ROBO2: variants seen among roughly 807,000 people sequenced by gnomAD.
ROBO2 encodes the protein roundabout homolog 2.
A neutral mutation model predicts 160.8 loss-of-function variants in ROBO2; 53 were observed. The ratio of observed to expected loss-of-function variants is 0.33; its 90% CI spans 0.26 to 0.41. ROBO2 has a LOEUF of 0.41. Among genes scored for constraint, ROBO2 ranks in the 10% least tolerant of loss-of-function variants. ROBO2 has a pLI of 1.00. For synonymous variants in ROBO2, 664 were observed against 611.7 expected (o/e 1.09, Z -1.26); for missense variants, 1,577 against 1,722.4 (o/e 0.92, Z 1.49).
At position 77,642,227 on chromosome 3, in the gene ROBO2, G is replaced by A. The variant is rs1349460050; in HGVS notation, c.3935-2477G>A. 7.2e-5 allele frequency among the ~76,000 whole-genome samples: 11 copies of A among 152,264 alleles called. No individual in the cohort carries two copies. In the East Asian group the frequency reaches 1.2e-3, roughly 16 times the overall value. The stretch of plus-strand genomic sequence containing the variant: ...CACGGCATACAGTTCTAAATTTCCC[G>A]AGGGTGACATTCCCTTTGGAGATTG... On this transcript the variant is annotated intron_variant, in intron 24 of 25. Transcript: ENST00000461745.
At chr3:77,597,123 T>C (rs2094323477) in intron 19 of ROBO2, among the ~76,000 whole-genome samples, 1 of 152,014 alleles carries the variant, frequency 6.6e-6, no homozygotes, top group African/African-American at 2.4e-5. Context: ...ATGTATTTAT[T>C]GAGCATCTCC....
chr3:77,297,587 T>C (rs2062262469), intron 2 of ROBO2, among the ~76,000 whole-genome samples: 1 of 152,128 alleles, frequency 6.6e-6, no homozygotes, highest in African/African-American at 2.4e-5. Context: ...AGCTTGCCAT[T>C]GGCTACATCA....
chr3:77,312,344 T>C (rs1311077393), intron 2 of ROBO2, among the ~76,000 whole-genome samples: 3 of 152,166 alleles, frequency 2.0e-5, no homozygotes, highest in African/African-American at 7.2e-5. Context: ...ATCATATCAT[T>C]CATATATTGT....
At chr3:75,962,415 T>C (rs2107287124) in intron 2 of ROBO2, among the ~76,000 whole-genome samples, 1 of 152,010 alleles carries the variant, frequency 6.6e-6, no homozygotes, top group African/African-American at 2.4e-5. Flanking sequence ...TAATGTGTTC[T>C]AGGTCTGGCT....
chr3:76,503,475 C>A (rs181775062), intron 2 of ROBO2, among the ~76,000 whole-genome samples: 1 of 152,130 alleles, frequency 6.6e-6, no homozygotes, highest in Non-Finnish European at 1.5e-5. Flanking sequence ...GAAAAAGTAT[C>A]GGTATACTGA....
chr3:76,165,536 G>GT (rs2072803966), intron 2 of ROBO2, among the ~76,000 whole-genome samples: 1 of 152,126 alleles, frequency 6.6e-6, no homozygotes, highest in Non-Finnish European at 1.5e-5. Flanking sequence ...GTTCACTGGA[G>GT]TAGCACTTTA....
intron 2 of ROBO2, among the ~76,000 whole-genome samples, chr3:76,209,624 T>C (rs1703018382): frequency 6.6e-6 from 1 of 152,164 alleles, no homozygotes; most frequent in South Asian, 2.1e-4. Context: ...GAAGGTAAGA[T>C]TGGTGTTAAT....
intron 2 of ROBO2, among the ~76,000 whole-genome samples, chr3:76,608,667 G>C (rs939483761): frequency 6.6e-6 from 1 of 152,106 alleles, no homozygotes; most frequent in Non-Finnish European, 1.5e-5. Context: ...ATCCTGGAGA[G>C]TTTTCCCAAT....
chr3:76,704,882 G>GATTA (rs1230342221), intron 2 of ROBO2, among the ~76,000 whole-genome samples: 1 of 151,966 alleles, frequency 6.6e-6, no homozygotes, highest in Non-Finnish European at 1.5e-5. Flanking sequence ...AGGTGTTTTT[G>GATTA]ATTAATTAAT....
chr3:77,568,152 T>C (rs1395327511), intron 12 of ROBO2, among the ~76,000 whole-genome samples, 161 bp from the exon 14 acceptor site: 1 of 152,058 alleles, frequency 6.6e-6, no homozygotes, highest in Admixed American at 6.6e-5. Flanking sequence ...ACCACAGTGG[T>C]ATATTTATAT....
rs115872388 is a variant in ROBO2 at position 77,137,929 on chromosome 3, C to T, written c.388+39589C>T. On this transcript the variant is annotated intron_variant, in intron 2 of 25. Transcript: ENST00000461745. ...CTGACAGGGAAGGTCATTGGTGCAG[C>T]CCTTCCAAGCAAATGCAGTTAAATT... Among the ~76,000 whole-genome samples the T allele has an allele frequency of 3.2e-3, 493 of 152,280 alleles. 1 individual carries two copies. The highest frequency in any genetic ancestry group is 0.011 in the African/African-American group (465 of 41,556).
chr3:76,434,338 A>C lies in ROBO2; in HGVS notation c.109+496736A>C. On this transcript the variant is annotated intron_variant, in intron 2 of 26. Coordinates refer to the ROBO2 transcript ENST00000487694. Reference sequence around the variant, plus strand: ...GCACCCATCTCAGAGCAGATCAAGAAGTGATAAGCTTTCGGGAGAAGAACC... The same window carrying C: ...GCACCCATCTCAGAGCAGATCAAGACGTGATAAGCTTTCGGGAGAAGAACC... The C allele has an allele frequency of 2.4e-6, 3 of 1,237,812 alleles. No individual in the cohort carries two copies. In the South Asian group the frequency reaches 3.6e-5, roughly 15 times the overall value. 76.7% of individuals were successfully genotyped at this position (1,237,812 alleles called of 1,614,324 possible). A position where few individuals can be genotyped will look rare whatever the true frequency, so the allele number is the denominator to read the frequency against.
At chr3:76,583,318 G>T (rs2085824690) in intron 2 of ROBO2, among the ~76,000 whole-genome samples, 1 of 152,174 alleles carries the variant, frequency 6.6e-6, no homozygotes, top group Admixed American at 6.5e-5. Flanking sequence ...GCGCTTAGTT[G>T]CAGTAGAACA....
At chr3:77,105,911 CA>C (rs773298886) in intron 2 of ROBO2, among the ~76,000 whole-genome samples, 50 of 152,310 alleles carry the variant, frequency 3.3e-4, no homozygotes, top group South Asian at 6.2e-4. Flanking sequence ...GAAACATATT[CA>C]TAGTGATACT....
intron 2 of ROBO2, among the ~76,000 whole-genome samples, chr3:77,158,774 T>G (rs1362778440): frequency 6.6e-6 from 1 of 152,090 alleles, no homozygotes; most frequent in Non-Finnish European, 1.5e-5. Flanking sequence ...AGTTATTTAT[T>G]CCACTTCTGA....
At chr3:77,633,791 T>C (rs902989537) in intron 23 of ROBO2, 2 of 152,218 alleles carry the variant, frequency 1.3e-5, no homozygotes, top group African/African-American at 4.8e-5. Flanking sequence ...TTGAATTGTC[T>C]TGCATTATAA....
At chr3:77,190,862 T>A (rs907022056) in intron 2 of ROBO2, among the ~76,000 whole-genome samples, 1 of 152,026 alleles carries the variant, frequency 6.6e-6, no homozygotes, top group Admixed American at 6.6e-5. Flanking sequence ...AATTATAGAA[T>A]GATGTACAAG....
At chr3:77,457,055 T>C (rs2081731050) in intron 2 of ROBO2, among the ~76,000 whole-genome samples, 1 of 152,174 alleles carries the variant, frequency 6.6e-6, no homozygotes, top group Non-Finnish European at 1.5e-5. Context: ...TCCAGCCCTT[T>C]AAAAGTCCAG....
chr3:76,202,218 G>A (rs893448417), intron 2 of ROBO2, among the ~76,000 whole-genome samples: 1 of 152,090 alleles, frequency 6.6e-6, no homozygotes, highest in Non-Finnish European at 1.5e-5. Context: ...GAAGCCCTTC[G>A]ACTGTTTCAT....
Sources: gnomAD v4.1 joint callset for allele counts (sites outside exome capture counted in the v4.1 genomes callset) on GRCh38, gnomAD v4.1.1 for gene constraint, MANE v1.5 for transcripts, NCBI Gene and HGNC (gene_info 2026-07-23, HGNC 2026-07-21) for gene names.